The following DOCK11 variants were observed in gnomAD, a reference collection of about 807,000 sequenced individuals.
The protein encoded by DOCK11 is dedicator of cytokinesis 11.
In DOCK11, 70 loss-of-function variants were observed where a neutral mutation model predicts 169.1. That is an observed-to-expected ratio of 0.41 (90% CI 0.34 to 0.51). The LOEUF is 0.51. Among genes scored for constraint, DOCK11 ranks in the 20% least tolerant of loss-of-function variants. The pLI, the probability that DOCK11 is intolerant of heterozygous loss-of-function variation, is 0.10. For synonymous variants in DOCK11, 529 were observed against 541.3 expected (o/e 0.98, Z 0.32); for missense variants, 1,166 against 1,538.8 (o/e 0.76, Z 4.05).
intron 18 of DOCK11, among the ~76,000 whole-genome samples, chrX:118,589,140 A>T (rs986910826): frequency 8.9e-6 from 1 of 111,772 alleles, no homozygotes; most frequent in African/African-American, 3.3e-5. Flanking sequence ...TGGGTCTTAC[A>T]CTCAAACCAC....
intron 25 of DOCK11, 21 bp from the exon 26 acceptor site, chrX:118,608,210 T>C: frequency 8.4e-7 from 1 of 1,192,115 alleles, no homozygotes; most frequent in Non-Finnish European, 1.1e-6. Context: ...AGTTCATTTT[T>C]TTTTGTTTGT....
intron 40 of DOCK11, among the ~76,000 whole-genome samples, chrX:118,648,189 ATAATATAATATATAATAT>A (rs762335438): frequency 1.4e-3 from 102 of 72,115 alleles, no homozygotes; most frequent in African/African-American, 6.1e-3. Context: ...GTAATATATA[ATAATATAATATATAATAT>A]TATAATATTA....
chrX:118,506,199 G>A (rs2057610559), intron 1 of DOCK11, among the ~76,000 whole-genome samples: 1 of 108,580 alleles, frequency 9.2e-6, no homozygotes, highest in African/African-American at 3.4e-5. Flanking sequence ...AGGCTGCAGT[G>A]AGCCTTGATT....
intron 35 of DOCK11, chrX:118,632,990 T>TGGG (rs1200736670): frequency 6.7e-5 from 2 of 29,792 alleles, no homozygotes; most frequent in Non-Finnish European, 5.8e-5. Context: ...GTGAGGGGGG[T>TGGG]GGGGGGGATG....
intron 1 of DOCK11, among the ~76,000 whole-genome samples, chrX:118,525,536 G>T (rs1447653536): frequency 9.0e-6 from 1 of 111,474 alleles, no homozygotes; most frequent in Non-Finnish European, 1.9e-5. Context: ...CGGTGTGGAG[G>T]AAGTGCAGAG....
chrX:118,582,726 C>T (rs981638073), intron 14 of DOCK11, among the ~76,000 whole-genome samples: 9 of 111,516 alleles, frequency 8.1e-5, no homozygotes, highest in Admixed American at 1.9e-4. Flanking sequence ...AAAACCGCAA[C>T]GAGATACCAT....
Position 118,681,067 on chromosome X carries a change from C to T in DOCK11, c.5681C>T (p.Ser1894Leu), listed in dbSNP as rs1167815578. 5.1e-6 allele frequency: 6 copies of T among 1,165,616 alleles called. No individual in the cohort carries two copies. Among genetic ancestry groups the T allele is most frequent in the Non-Finnish European group, 4.6e-6 (4 of 874,288 alleles). Residue 1894 changes from serine (S) to leucine (L), a missense_variant, in exon 50 of 53, where the codon TCG becomes TTG. Ser to Leu is a moderately radical substitution (Grantham distance 145, BLOSUM62 -2). Coordinates refer to ENST00000276202, the MANE Select transcript of DOCK11 (RefSeq NM_144658.4). ...KRRTILTTSN[S>L]FPYVKKRIPI... The stretch of plus-strand genomic sequence containing the variant: ...CTTAACATTTTAATAGCTTCAAACT[C>T]GTTTCCTTACGTGAAGAAGAGGATT...
At chrX:118,567,371 T>C (rs1052464004) in intron 9 of DOCK11, among the ~76,000 whole-genome samples, 2 of 109,887 alleles carry the variant, frequency 1.8e-5, no homozygotes, top group East Asian at 2.8e-4. Flanking sequence ...AATTTACCCC[T>C]CATAAACTTC....
chrX:118,634,599 C>T (rs768946639), intron 35 of DOCK11, among the ~76,000 whole-genome samples: 1 of 112,947 alleles, frequency 8.9e-6, no homozygotes, highest in Admixed American at 9.3e-5. Flanking sequence ...GGCAGTGGCG[C>T]AGCAAGCTGC....
chrX:118,588,554 G>A, intron 18 of DOCK11, 76 bp downstream of exon 18: 1 of 792,371 alleles, frequency 1.3e-6, no homozygotes, highest in Non-Finnish European at 1.8e-6. Flanking sequence ...TTATGCTCTA[G>A]GTTTAATTTG....
chrX:118,647,125 T>C, intron 40 of DOCK11, among the ~76,000 whole-genome samples: 2 of 101,535 alleles, frequency 2.0e-5, no homozygotes, highest in Non-Finnish European at 4.0e-5. Flanking sequence ...TATCAGTGTT[T>C]ATGTGAAGAG....
chrX:118,644,908 G>A (rs1177664230), intron 40 of DOCK11, among the ~76,000 whole-genome samples: 4 of 111,847 alleles, frequency 3.6e-5, no homozygotes, highest in Non-Finnish European at 7.5e-5. Context: ...AAGTTGTGTT[G>A]AAGAAGGATT....
chrX:118,577,784 A>G (rs1198983049), intron 12 of DOCK11, among the ~76,000 whole-genome samples: 1 of 111,955 alleles, frequency 8.9e-6, no homozygotes, highest in East Asian at 2.8e-4. Context: ...GTAATATATC[A>G]AGGAAAAAAA....
At chrX:118,545,500 A>T in intron 5 of DOCK11, 108 bp downstream of exon 5, 1 of 608,309 alleles carries the variant, frequency 1.6e-6, no homozygotes, top group East Asian at 4.0e-5. Context: ...GGAAATAATT[A>T]TTCTGGAATG....
chrX:118,532,801 AG>A (rs1315404495), intron 1 of DOCK11, among the ~76,000 whole-genome samples: 8 of 105,783 alleles, frequency 7.6e-5, no homozygotes, highest in African/African-American at 2.8e-4. Context: ...AAAAAAAAGA[AG>A]GTGTGCCTGT....
chrX:118,665,094 C>T (rs1232234606), intron 45 of DOCK11, among the ~76,000 whole-genome samples: 1 of 111,747 alleles, frequency 8.9e-6, no homozygotes, highest in Non-Finnish European at 1.9e-5. Context: ...ATAATACTAT[C>T]GTGGTCACTT....
At chrX:118,541,658 A>G (rs972903588) in intron 1 of DOCK11, among the ~76,000 whole-genome samples, 4 of 112,266 alleles carry the variant, frequency 3.6e-5, no homozygotes, top group Non-Finnish European at 5.6e-5. Context: ...TCTGTTTCAT[A>G]TTGCTATGAG....
At chrX:118,611,123 C>T (rs1232615984) in intron 28 of DOCK11, among the ~76,000 whole-genome samples, 4 of 111,942 alleles carry the variant, frequency 3.6e-5, no homozygotes, top group Non-Finnish European at 7.5e-5. Flanking sequence ...AACAATAATA[C>T]CAGAAATACA....
intron 23 of DOCK11, among the ~76,000 whole-genome samples, chrX:118,601,285 A>G (rs1362076256): frequency 1.8e-5 from 2 of 109,690 alleles, no homozygotes; most frequent in African/African-American, 6.7e-5. Context: ...TTAGCCGGGC[A>G]TAGTGGCACA....
Sources: allele counts gnomAD v4.1 joint callset (sites outside exome capture counted in the v4.1 genomes callset), GRCh38; gene constraint gnomAD v4.1.1; transcripts MANE v1.5; gene names NCBI Gene and HGNC (gene_info 2026-07-23, HGNC 2026-07-21).